The following CADM1 variants were observed in gnomAD, a reference collection of about 807,000 sequenced individuals.
CADM1 encodes the protein TSLC-1.
A neutral mutation model predicts 53.1 loss-of-function variants in CADM1; 15 were observed. The ratio of observed to expected loss-of-function variants is 0.28; its 90% CI spans 0.19 to 0.44. CADM1 has a LOEUF of 0.44. Ranked by LOEUF, CADM1 falls within the 20% of genes least tolerant of loss-of-function variation. The pLI, the probability that CADM1 is intolerant of heterozygous loss-of-function variation, is 1.00. For missense variants in CADM1, 434 were observed against 611.3 expected (o/e 0.71, Z 3.06); for synonymous variants, 281 against 243.0 (o/e 1.16, Z -1.45).
At chr11:115,302,625 T>TA (rs936846624) in intron 1 of CADM1, among the ~76,000 whole-genome samples, 7 of 152,040 alleles carry the variant, frequency 4.6e-5, no homozygotes, top group South Asian at 2.1e-4. Context: ...TTTTCTTACC[T>TA]AAAAAAAGAA....
intron 7 of CADM1, among the ~76,000 whole-genome samples, chr11:115,214,174 G>A (rs976340080): frequency 6.6e-6 from 1 of 152,128 alleles, no homozygotes; most frequent in Non-Finnish European, 1.5e-5. Flanking sequence ...AACATCTTTT[G>A]GAATTAATAG....
At chr11:115,185,888 G>C (rs1278806174) in intron 10 of CADM1, among the ~76,000 whole-genome samples, 1 of 152,176 alleles carries the variant, frequency 6.6e-6, no homozygotes, top group African/African-American at 2.4e-5. Flanking sequence ...AGGCATTTGG[G>C]GGTGTGAGGA....
chr11:115,291,643 C>T (rs1284675732), intron 1 of CADM1, among the ~76,000 whole-genome samples: 1 of 152,184 alleles, frequency 6.6e-6, no homozygotes, highest in Non-Finnish European at 1.5e-5. Context: ...ATTATCATTA[C>T]ACACTTCCAT....
chr11:115,426,004 A>G (rs1428672678), intron 1 of CADM1, among the ~76,000 whole-genome samples: 1 of 152,194 alleles, frequency 6.6e-6, no homozygotes, highest in Non-Finnish European at 1.5e-5. Context: ...CTGCTGGAGG[A>G]AGGGAACGCT....
At chr11:115,337,296 G>A (rs1346802762) in intron 1 of CADM1, among the ~76,000 whole-genome samples, 1 of 152,138 alleles carries the variant, frequency 6.6e-6, no homozygotes, top group Non-Finnish European at 1.5e-5. Context: ...TTGATAGGTT[G>A]TAGACATTAG....
intron 1 of CADM1, among the ~76,000 whole-genome samples, chr11:115,501,394 A>G (rs1468384986): frequency 6.6e-6 from 1 of 152,014 alleles, no homozygotes; most frequent in African/African-American, 2.4e-5. Flanking sequence ...CCTCCTTCCC[A>G]TCACCACCAT....
At chr11:115,284,568 A>G (rs1283358619) in intron 1 of CADM1, among the ~76,000 whole-genome samples, 1 of 152,128 alleles carries the variant, frequency 6.6e-6, no homozygotes, top group Non-Finnish European at 1.5e-5. Flanking sequence ...AAAAAGGAAT[A>G]AAGCACATTC....
At chr11:115,267,396 G>A (rs948287508) in intron 1 of CADM1, among the ~76,000 whole-genome samples, 3 of 152,154 alleles carry the variant, frequency 2.0e-5, no homozygotes, top group African/African-American at 7.2e-5. Flanking sequence ...TTTAGCAGCC[G>A]TATTCTCAGA....
At chr11:115,177,454 T>C (rs1229252678) in intron 11 of CADM1, among the ~76,000 whole-genome samples, 2 of 152,188 alleles carry the variant, frequency 1.3e-5, no homozygotes, top group African/African-American at 4.8e-5. Flanking sequence ...CTTCCTCCCA[T>C]TACATACTGT....
At chr11:115,498,924 T>A (rs1244150494) in intron 1 of CADM1, among the ~76,000 whole-genome samples, 1 of 152,158 alleles carries the variant, frequency 6.6e-6, no homozygotes, top group Non-Finnish European at 1.5e-5. Flanking sequence ...ACAGAGGGGA[T>A]AGAGCGACCA....
chr11:115,396,590 T>C (rs2135198874), intron 1 of CADM1, among the ~76,000 whole-genome samples: 1 of 152,314 alleles, frequency 6.6e-6, no homozygotes, highest in South Asian at 2.1e-4. Context: ...ATGCTGGAGA[T>C]TAACTTTAGA....
intron 1 of CADM1, among the ~76,000 whole-genome samples, chr11:115,448,385 T>C (rs913525264): frequency 6.6e-6 from 1 of 152,148 alleles, no homozygotes; most frequent in Non-Finnish European, 1.5e-5. Context: ...GAATTAACTG[T>C]CTCCTTATTC....
chr11:115,283,371 C>G (rs536708780), intron 1 of CADM1, among the ~76,000 whole-genome samples: 1 of 152,284 alleles, frequency 6.6e-6, no homozygotes, highest in South Asian at 2.1e-4. Flanking sequence ...TGACTATAAT[C>G]AGCTGGAGTT....
intron 1 of CADM1, among the ~76,000 whole-genome samples, chr11:115,388,191 G>A (rs1946747051): frequency 6.6e-6 from 1 of 152,096 alleles, no homozygotes; most frequent in Non-Finnish European, 1.5e-5. Context: ...CAATACGACT[G>A]ACAGACAGGC....
chr11:115,274,334 G>A (rs975153062), intron 1 of CADM1, among the ~76,000 whole-genome samples: 1 of 152,198 alleles, frequency 6.6e-6, no homozygotes, highest in Non-Finnish European at 1.5e-5. Context: ...GGCTCTGCCC[G>A]CACACTGTGT....
intron 1 of CADM1, among the ~76,000 whole-genome samples, chr11:115,338,873 TTTTA>T (rs1945338369): frequency 2.7e-5 from 1 of 36,496 alleles, no homozygotes; most frequent in Non-Finnish European, 9.9e-5. Flanking sequence ...CTTTTATTTT[TTTTA>T]TTTTTTTTTT....
At chr11:115,385,790 C>A (rs989582289) in intron 1 of CADM1, among the ~76,000 whole-genome samples, 6 of 152,182 alleles carry the variant, frequency 3.9e-5, no homozygotes, top group African/African-American at 1.4e-4. Context: ...ACTGGCTGCA[C>A]AAAGGCAGCC....
At position 115,175,532 on chromosome 11, in the gene CADM1, C is replaced by T; in HGVS notation, c.*942G>A. The T allele has an allele frequency of 3.0e-6, 3 of 985,514 alleles. No homozygotes were observed. The highest frequency in any genetic ancestry group is 1.7e-5 in the African/African-American group (1 of 57,336). The allele number at this position is 985,514 out of a possible 1,614,324, so 61.0% of individuals were successfully genotyped here. On this transcript the variant is annotated 3_prime_UTR_variant, in exon 12 of 12. Coordinates refer to ENST00000331581, the MANE Select transcript of CADM1 (RefSeq NM_001301043.2). ...CAGAGCAGAACTGTATTTCCCCCCT[C>T]CCTACTTCCCCTCCTGTGGCAACTC...
intron 9 of CADM1, among the ~76,000 whole-genome samples, chr11:115,196,984 A>G (rs889937983): frequency 6.6e-6 from 1 of 152,184 alleles, no homozygotes; most frequent in Non-Finnish European, 1.5e-5. Context: ...TTTTATACCT[A>G]ATTGATTTCT....
Sources: gnomAD v4.1 joint callset for allele counts (sites outside exome capture counted in the v4.1 genomes callset) on GRCh38, gnomAD v4.1.1 for gene constraint, MANE v1.5 for transcripts, NCBI Gene and HGNC (gene_info 2026-07-23, HGNC 2026-07-21) for gene names.